CSMD3: variants seen among roughly 807,000 people sequenced by gnomAD.
CSMD3 encodes CUB and sushi domain-containing protein 3.
Under a neutral mutation model 435.2 loss-of-function variants are expected in CSMD3, and 177 were observed. That is an observed-to-expected ratio of 0.41 (90% confidence interval 0.36 to 0.46). CSMD3 has a LOEUF of 0.46. Among genes scored for constraint, CSMD3 ranks in the 20% least tolerant of loss-of-function variants. The probability of loss-of-function intolerance (pLI) is 0.34; values close to 1 mark genes in which losing one functional copy is unlikely to be tolerated. For synonymous variants in CSMD3, 1,656 were observed against 1,520.5 expected, an observed-to-expected ratio of 1.09 and a Z score of -2.07; for missense variants, 4,265 against 4,504.6, an observed-to-expected ratio of 0.95 and a Z score of 1.52.
intron 13 of CSMD3, among the ~76,000 whole-genome samples, chr8:112,712,633 G>T (rs1587045217): frequency 6.6e-6 from 1 of 152,012 alleles, no homozygotes; most frequent in East Asian, 1.9e-4. Flanking sequence ...GGTATATTCG[G>T]AATCTTAAGG....
chr8:112,962,594 C>T lies in CSMD3; in HGVS notation c.1343-7833G>A, dbSNP rs376371888. Among the ~76,000 whole-genome samples, 6 of 151,832 alleles carry T rather than the reference C, an allele frequency of 4.0e-5. No individual in the cohort carries two copies. In the South Asian group the frequency reaches 1.2e-3, roughly 31 times the overall value. On this transcript the variant is annotated intron_variant, in intron 7 of 70. Coordinates refer to ENST00000297405, the MANE Select transcript of CSMD3 (RefSeq NM_198123.2). ...AATTGCTTTAATAAATAACAACAGT[C>T]CATCATCCCTGTGATTTCAGGTCAT...
At chr8:112,451,813 C>T (rs1031689203) in intron 32 of CSMD3, among the ~76,000 whole-genome samples, 3 of 152,196 alleles carry the variant, frequency 2.0e-5, no homozygotes, top group Admixed American at 6.5e-5. Context: ...GCTGGGATTA[C>T]AGGCATGAGC....
chr8:112,512,570 C>T (rs996866647), intron 28 of CSMD3, among the ~76,000 whole-genome samples: 5 of 152,092 alleles, frequency 3.3e-5, no homozygotes, highest in East Asian at 1.9e-4. Flanking sequence ...ACAGATGTGC[C>T]GTTATCCAAG....
chr8:112,445,058 C>T (rs551574905), intron 32 of CSMD3, among the ~76,000 whole-genome samples: 3 of 152,174 alleles, frequency 2.0e-5, no homozygotes, highest in Admixed American at 1.3e-4. Context: ...GTCTGGGCAA[C>T]ATGGTGAAAC....
At chr8:113,251,329 T>C (rs2093333186) in intron 3 of CSMD3, among the ~76,000 whole-genome samples, 2 of 152,138 alleles carry the variant, frequency 1.3e-5, no homozygotes, top group African/African-American at 4.8e-5. Context: ...ATGAAATTAA[T>C]GCTCTAGGCC....
At chr8:113,031,583 T>G (rs2087111920) in intron 5 of CSMD3, among the ~76,000 whole-genome samples, 1 of 151,684 alleles carries the variant, frequency 6.6e-6, no homozygotes, top group African/African-American at 2.4e-5. Context: ...GGAATTTCCC[T>G]GTATCTTGAC....
chr8:112,754,114 A>C (rs2077636820), intron 13 of CSMD3, among the ~76,000 whole-genome samples: 1 of 152,198 alleles, frequency 6.6e-6, no homozygotes, highest in African/African-American at 2.4e-5. Context: ...GGAAGTATAC[A>C]TCCTGGTATT....
At chr8:113,092,822 C>A (rs1210122412) in intron 5 of CSMD3, among the ~76,000 whole-genome samples, 1 of 151,888 alleles carries the variant, frequency 6.6e-6, no homozygotes, top group Admixed American at 6.6e-5. Flanking sequence ...CAGAAACCTG[C>A]ATTAAAAACA....
chr8:112,919,528 G>A (rs1354447989), intron 10 of CSMD3, among the ~76,000 whole-genome samples: 1 of 151,758 alleles, frequency 6.6e-6, no homozygotes, highest in African/African-American at 2.4e-5. Context: ...CTTCTGGTGT[G>A]AGATTTTGTT....
intron 16 of CSMD3, among the ~76,000 whole-genome samples, chr8:112,680,081 G>A (rs892685478): frequency 3.6e-4 from 55 of 152,126 alleles, no homozygotes; most frequent in Admixed American, 3.1e-3. Flanking sequence ...GCCGTAGGGC[G>A]TGGTGGCTCG....
At chr8:113,289,650 A>G (rs2093672066) in intron 2 of CSMD3, among the ~76,000 whole-genome samples, 2 of 151,690 alleles carry the variant, frequency 1.3e-5, no homozygotes, top group Non-Finnish European at 3.0e-5. Flanking sequence ...ACTTCCTCCC[A>G]TAAACCCTGC....
At chr8:112,276,996 C>T (rs1174779902) in intron 59 of CSMD3, among the ~76,000 whole-genome samples, 1 of 152,006 alleles carries the variant, frequency 6.6e-6, no homozygotes, top group Non-Finnish European at 1.5e-5. Flanking sequence ...GACCTCCAGG[C>T]CTGTGATGGG....
chr8:112,594,274 C>T (rs530920969), intron 22 of CSMD3, among the ~76,000 whole-genome samples: 10 of 152,300 alleles, frequency 6.6e-5, no homozygotes, highest in South Asian at 6.2e-4. Context: ...CCTGGAAAAT[C>T]GGGTCACTCC....
chr8:112,282,802 A>G (rs147559384), intron 58 of CSMD3, among the ~76,000 whole-genome samples: 68 of 152,232 alleles, frequency 4.5e-4, no homozygotes, highest in African/African-American at 1.4e-3. Context: ...GAAAGGAAAC[A>G]GCAACTACTT....
intron 27 of CSMD3, among the ~76,000 whole-genome samples, 188 bp from the exon 28 acceptor site, chr8:112,517,413 AGT>A (rs1823790805): frequency 6.6e-6 from 1 of 152,206 alleles, no homozygotes; most frequent in South Asian, 2.1e-4. Context: ...ATAGTATTTT[AGT>A]TACCAAATAC....
intron 5 of CSMD3, among the ~76,000 whole-genome samples, chr8:113,059,521 C>T (rs1358313221): frequency 6.6e-6 from 1 of 152,046 alleles, no homozygotes; most frequent in East Asian, 1.9e-4. Flanking sequence ...ATTTTCCATG[C>T]TAATATTTTC....
At chr8:112,898,667 T>C (rs1001015678) in intron 10 of CSMD3, among the ~76,000 whole-genome samples, 1 of 151,298 alleles carries the variant, frequency 6.6e-6, no homozygotes, top group Non-Finnish European at 1.5e-5. Context: ...ATAACAAATA[T>C]ATATATGCAT....
At chr8:113,045,090 A>G (rs1782688159) in intron 5 of CSMD3, among the ~76,000 whole-genome samples, 1 of 149,114 alleles carries the variant, frequency 6.7e-6, no homozygotes, top group Admixed American at 6.7e-5. Flanking sequence ...ATTTGTCTAC[A>G]TGTATTACTA....
chr8:112,478,824 G>C (rs1819340210), intron 31 of CSMD3, among the ~76,000 whole-genome samples: 1 of 152,104 alleles, frequency 6.6e-6, no homozygotes. Context: ...TTTCCTAATT[G>C]ATTCTTTCTA....
Sources: gnomAD v4.1 joint callset for allele counts (sites outside exome capture counted in the v4.1 genomes callset) on GRCh38, gnomAD v4.1.1 for gene constraint, MANE v1.5 for transcripts, NCBI Gene and HGNC (gene_info 2026-07-23, HGNC 2026-07-21) for gene names.